LGALS8: variants seen among roughly 807,000 people sequenced by gnomAD.
LGALS8 encodes the protein galectin 8.
A neutral mutation model predicts 35.9 loss-of-function variants in LGALS8; 30 were observed. The ratio of observed to expected loss-of-function variants is 0.83; its 90% CI spans 0.62 to 1.13. The LOEUF is 1.13. LGALS8 is among the 50% of genes most tolerant of loss of function. The probability of loss-of-function intolerance (pLI) is 0.00; values close to 1 mark genes in which losing one functional copy is unlikely to be tolerated. For missense variants in LGALS8, 366 were observed against 388.7 expected, an observed-to-expected ratio of 0.94 and a Z score of 0.49; for synonymous variants, 138 against 136.1, an observed-to-expected ratio of 1.01 and a Z score of -0.10.
upstream of LGALS8, chr1:236,523,955 T>TG (rs1660647002): frequency 2.6e-6 from 1 of 378,088 alleles, no homozygotes; most frequent in Admixed American, 3.1e-5. Context: ...GACTGACTCC[T>TG]GTCGCTTCCC....
Position 236,550,868 on chromosome 1 carries a change from ACT to A in LGALS8, c.*2710_*2711del. On this transcript the variant is annotated 3_prime_UTR_variant, in exon 10 of 10. Coordinates refer to ENST00000366584, the MANE Select transcript of LGALS8 (RefSeq NM_201544.4). ...ATAAAAATATGAAATATGAGTGTGAACTCTGAGTAGAGTATGAAACACCACAG... is the reference window on the plus strand; with the variant it reads ...ATAAAAATATGAAATATGAGTGTGAACTGAGTAGAGTATGAAACACCACAG... 2 of 1,504,286 alleles carry A rather than the reference ACT, an allele frequency of 1.3e-6. No individual in the cohort carries two copies. Among genetic ancestry groups the A allele is most frequent in the Middle Eastern group, 1.8e-4 (1 of 5,684 alleles). 93.2% of individuals were successfully genotyped at this position (1,504,286 alleles called of 1,614,324 possible). A position where few individuals can be genotyped will look rare whatever the true frequency, so the allele number is the denominator to read the frequency against.
upstream of LGALS8, among the ~76,000 whole-genome samples, chr1:236,520,644 C>T (rs1386171812): frequency 6.6e-6 from 1 of 152,198 alleles, no homozygotes; most frequent in Non-Finnish European, 1.5e-5. Flanking sequence ...GTTTCTCTTT[C>T]TTTGGCATCT....
At position 236,548,256 on chromosome 1, in the gene LGALS8, T is replaced by C. The variant is rs748164481; in HGVS notation, c.*95T>C. ...CATCTCACTGTCATTCTATTGTTTA[T>C]ATTGTTAAAATGAGCTTGTGCACCA... On this transcript the variant is annotated 3_prime_UTR_variant, in exon 10 of 10. Transcript: ENST00000366584. 67 of 1,162,236 alleles carry C rather than the reference T, an allele frequency of 5.8e-5. No individual in the cohort carries two copies. Among genetic ancestry groups the C allele is most frequent in the Non-Finnish European group, 7.8e-5 (63 of 812,892 alleles). 72.0% of individuals were successfully genotyped at this position (1,162,236 alleles called of 1,614,324 possible).
At chr1:236,523,126 T>C (rs929384172), upstream of LGALS8, 1 of 152,224 alleles carries the variant, frequency 6.6e-6, no homozygotes, top group Non-Finnish European at 1.5e-5. Context: ...CTGGTGTGTT[T>C]ACAGCCAATA....
chr1:236,529,396 A>G (rs1661014280), intron 2 of LGALS8, among the ~76,000 whole-genome samples: 1 of 152,074 alleles, frequency 6.6e-6, no homozygotes, highest in African/African-American at 2.4e-5. Flanking sequence ...AGCCTGACTA[A>G]CACAGTGAAA....
intron 7 of LGALS8, 135 bp downstream of exon 7, chr1:236,542,922 A>AT (rs753542338): frequency 6.2e-7 from 1 of 1,614,164 alleles, no homozygotes; most frequent in Admixed American, 1.7e-5. Context: ...CAGCCTAGTA[A>AT]TAGAGGAGGA....
At position 236,548,277 on chromosome 1, in the gene LGALS8, C is replaced by T. The variant is rs1005072731; in HGVS notation, c.*116C>T. Reference sequence around the variant, plus strand: ...TTTATATTGTTAAAATGAGCTTGTGCACCATTAGGTCCTGCTGGGTGTTCT... The same window carrying T: ...TTTATATTGTTAAAATGAGCTTGTGTACCATTAGGTCCTGCTGGGTGTTCT... On this transcript the variant is annotated 3_prime_UTR_variant, in exon 10 of 10. Coordinates refer to ENST00000366584, the MANE Select transcript of LGALS8 (RefSeq NM_201544.4). 4.0e-6 allele frequency: 4 copies of T among 989,858 alleles called. No individual in the cohort carries two copies. The highest frequency in any genetic ancestry group is 1.6e-5 in the African/African-American group (1 of 61,726). The allele number at this position is 989,858 out of a possible 1,614,324, so 61.3% of individuals were successfully genotyped here.
chr1:236,550,930 A>G lies in LGALS8; in HGVS notation c.*2769A>G. Reference sequence around the variant, plus strand: ...GAAATAGCTCTGGAGTGGCTCTCCCAGGACAGTTTCCAGTTGCTGAATAGT... The same window carrying G: ...GAAATAGCTCTGGAGTGGCTCTCCCGGGACAGTTTCCAGTTGCTGAATAGT... On this transcript the variant is annotated 3_prime_UTR_variant, in exon 10 of 10. Transcript: ENST00000366584. 6.2e-7 allele frequency: 1 copy of G among 1,611,556 alleles called. No homozygotes were observed. The highest frequency in any genetic ancestry group is 8.5e-7 in the Non-Finnish European group (1 of 1,179,234).
At chr1:236,528,738 T>A (rs1660972748) in intron 2 of LGALS8, among the ~76,000 whole-genome samples, 1 of 151,700 alleles carries the variant, frequency 6.6e-6, no homozygotes, top group African/African-American at 2.4e-5. Flanking sequence ...AGTTTTGCCA[T>A]GTTTCTCAGT....
rs370602588 is a variant in LGALS8, at chr1:236,528,331, G to A, written c.45+2216G>A. Reference sequence around the variant, plus strand: ...TGGGAGGCGGAGGTTGCAGTGAGCCGAGATGGTGCCACTGCACTCCAGCCT... The same window carrying A: ...TGGGAGGCGGAGGTTGCAGTGAGCCAAGATGGTGCCACTGCACTCCAGCCT... On this transcript the variant is annotated intron_variant, in intron 2 of 9. Coordinates refer to ENST00000366584, the MANE Select transcript of LGALS8 (RefSeq NM_201544.4). Among the ~76,000 whole-genome samples, 131 of 149,850 alleles carry A rather than the reference G, an allele frequency of 8.7e-4. 4 individuals carry two copies. The East Asian group carries it at 0.019, about 22-fold the overall frequency.
chr1:236,546,959 G>C (rs1193349544), intron 9 of LGALS8, among the ~76,000 whole-genome samples: 1 of 152,092 alleles, frequency 6.6e-6, no homozygotes, highest in Non-Finnish European at 1.5e-5. Context: ...GCAGGACTTG[G>C]GCTGAAATTT....
intron 1 of LGALS8, chr1:236,525,510 C>G (rs1969745): frequency 0.5 from 76,392 of 151,852 alleles, 22,154 homozygotes; most frequent in Non-Finnish European, 0.65. Flanking sequence ...TCAAGCAATT[C>G]TCCTGTCTCA....
At chr1:236,542,740 G>A in intron 6 of LGALS8, 21 bp from the exon 7 acceptor site, 1 of 1,613,036 alleles carries the variant, frequency 6.2e-7, no homozygotes. Flanking sequence ...ACATTGTTGT[G>A]TTTTGTTTCT....
intron 2 of LGALS8, among the ~76,000 whole-genome samples, chr1:236,531,542 GTC>G (rs1427578044): frequency 6.6e-6 from 1 of 152,024 alleles, no homozygotes; most frequent in Non-Finnish European, 1.5e-5. Context: ...AGCCAGGATG[GTC>G]TCGATCTCCT....
In LGALS8 at chr1:236,526,716, A is replaced by G. The variant is rs566268408; in HGVS notation, c.45+601A>G. Among the ~76,000 whole-genome samples, 37 of 152,302 alleles carry G rather than the reference A, an allele frequency of 2.4e-4. No homozygotes were observed. The highest frequency in any genetic ancestry group is 1.8e-3 in the Admixed American group (28 of 15,280). On this transcript the variant is annotated intron_variant, in intron 2 of 9. Coordinates refer to ENST00000366584, the MANE Select transcript of LGALS8 (RefSeq NM_201544.4). This position sits in a 1 kb window ranked among gnomAD's most constrained non-coding sequence, Gnocchi z 4.6. Reference sequence around the variant, plus strand: ...TATGTGGTGGTGAGAATCTTTAGGAATGTCTAGTTTCCACGTATCTGAAGC... The same window carrying G: ...TATGTGGTGGTGAGAATCTTTAGGAGTGTCTAGTTTCCACGTATCTGAAGC...
chr1:236,548,656 A>C lies in LGALS8; in HGVS notation c.*495A>C, dbSNP rs1041943. ...GGGTCCTCTGGGATTAGTTATGCAG[A>C]TATTAAATCACCCGAAGACACTAAC... On this transcript the variant is annotated 3_prime_UTR_variant, in exon 10 of 10. Coordinates refer to ENST00000366584, the MANE Select transcript of LGALS8 (RefSeq NM_201544.4). 0.63 allele frequency: 216,705 copies of C among 341,608 alleles called. 70,525 individuals are homozygous for C. The highest frequency in any genetic ancestry group is 0.69 in the Non-Finnish European group (131,506 of 190,746). The allele number at this position is 341,608 out of a possible 1,614,324, so 21.2% of individuals were successfully genotyped here.
At chr1:236,519,889 A>AT (rs985248660), upstream of LGALS8, among the ~76,000 whole-genome samples, 2 of 150,774 alleles carry the variant, frequency 1.3e-5, no homozygotes, top group South Asian at 2.1e-4. Flanking sequence ...TATAAGCAGC[A>AT]TTTTTTTAAA....
At chr1:236,521,889 C>T (rs1192593218), upstream of LGALS8, among the ~76,000 whole-genome samples, 3 of 151,512 alleles carry the variant, frequency 2.0e-5, no homozygotes, top group African/African-American at 4.9e-5. Flanking sequence ...TATGTTTTGT[C>T]ATGACTTCTC....
At chr1:236,530,856 A>G (rs776220749) in intron 2 of LGALS8, among the ~76,000 whole-genome samples, 5 of 152,270 alleles carry the variant, frequency 3.3e-5, no homozygotes, top group Non-Finnish European at 7.3e-5. Flanking sequence ...TAAGAGTTTC[A>G]GTGAAACATG....
Sources: allele counts gnomAD v4.1 joint callset (sites outside exome capture counted in the v4.1 genomes callset), GRCh38; gene constraint gnomAD v4.1.1; non-coding constraint Gnocchi (gnomAD v3.1); transcripts MANE v1.5; gene names NCBI Gene and HGNC (gene_info 2026-07-23, HGNC 2026-07-21).